TLN2: variants seen among roughly 807,000 people sequenced by gnomAD.
TLN2 encodes talin-2.
Under a neutral mutation model 294.7 loss-of-function variants are expected in TLN2, and 118 were observed. The observed-to-expected ratio is 0.40, with a 90% CI of 0.34 to 0.47. TLN2 has a LOEUF of 0.47. Ranked by LOEUF, TLN2 falls within the 20% of genes least tolerant of loss-of-function variation. The probability of loss-of-function intolerance (pLI) is 0.84; values close to 1 mark genes in which losing one functional copy is unlikely to be tolerated. For missense variants in TLN2, 3,083 were observed against 3,282.2 expected (o/e 0.94, Z 1.48); for synonymous variants, 1,431 against 1,304.5 (o/e 1.10, Z -2.09).
intron 1 of TLN2, among the ~76,000 whole-genome samples, chr15:62,549,490 A>ATCCATCCATCCG (rs2042178406): frequency 6.7e-6 from 1 of 148,738 alleles, no homozygotes; most frequent in East Asian, 1.9e-4. Flanking sequence ...GCATCCATCC[A>ATCCATCCATCCG]TCCATCCATC....
chr15:62,804,539 T>C (rs1349644340), intron 50 of TLN2, among the ~76,000 whole-genome samples: 1 of 152,184 alleles, frequency 6.6e-6, no homozygotes, highest in Non-Finnish European at 1.5e-5. Flanking sequence ...TCAAAGTTGC[T>C]GTGAGCCGGG....
chr15:62,403,297 A>G (rs966170894), intron 1 of TLN2, among the ~76,000 whole-genome samples: 1 of 152,090 alleles, frequency 6.6e-6, no homozygotes, highest in African/African-American at 2.4e-5. Flanking sequence ...CTGTTCTTCC[A>G]TTCCTCTACA....
chr15:62,621,480 A>G (rs2048823415), intron 3 of TLN2, among the ~76,000 whole-genome samples: 1 of 152,202 alleles, frequency 6.6e-6, no homozygotes, highest in African/African-American at 2.4e-5. Flanking sequence ...TCTTGGTGGC[A>G]TTGATTCAGG....
intron 1 of TLN2, among the ~76,000 whole-genome samples, chr15:62,541,199 T>G (rs1483926027): frequency 6.6e-6 from 1 of 152,194 alleles, no homozygotes; most frequent in African/African-American, 2.4e-5. Flanking sequence ...TCTCTCTACT[T>G]TTGTATATGT....
intron 12 of TLN2, among the ~76,000 whole-genome samples, chr15:62,688,791 A>C (rs1377486837): frequency 6.6e-6 from 1 of 152,120 alleles, no homozygotes; most frequent in East Asian, 1.9e-4. Flanking sequence ...TCTGAAGTCT[A>C]CTGTATCTAA....
intron 9 of TLN2, among the ~76,000 whole-genome samples, chr15:62,665,489 T>C (rs1310009008): frequency 6.6e-6 from 1 of 152,180 alleles, no homozygotes; most frequent in Non-Finnish European, 1.5e-5. Context: ...AAAGGTTCCA[T>C]GAGTCTGCGT....
chr15:62,477,826 A>G (rs2037857261), intron 1 of TLN2, among the ~76,000 whole-genome samples: 1 of 145,018 alleles, frequency 6.9e-6, no homozygotes, highest in Non-Finnish European at 1.5e-5. Flanking sequence ...CTGCTGTCAA[A>G]GGAGAGCCTG....
chr15:62,674,548 C>G (rs1285648969), intron 10 of TLN2, among the ~76,000 whole-genome samples: 2 of 148,200 alleles, frequency 1.3e-5, no homozygotes, highest in Non-Finnish European at 3.0e-5. Context: ...AGACGGAGTG[C>G]AATGGGGCGA....
At chr15:62,698,963 T>C in intron 16 of TLN2, 96 bp downstream of exon 16, 2 of 1,197,692 alleles carry the variant, frequency 1.7e-6, no homozygotes, top group Middle Eastern at 1.9e-4. Context: ...AATTTCTATC[T>C]CTAGGTGAAA....
At chr15:62,669,853 C>A (rs2055184560) in intron 9 of TLN2, among the ~76,000 whole-genome samples, 1 of 152,182 alleles carries the variant, frequency 6.6e-6, no homozygotes, top group Non-Finnish European at 1.5e-5. Flanking sequence ...AAAATACATG[C>A]CACACACATG....
intron 3 of TLN2, among the ~76,000 whole-genome samples, chr15:62,624,263 T>G (rs4467026): frequency 0.95 from 144,842 of 152,296 alleles, 68,909 homozygotes; most frequent in Admixed American, 0.97. Flanking sequence ...TACCAAGTTT[T>G]AGAAAATTAG....
intron 1 of TLN2, among the ~76,000 whole-genome samples, chr15:62,522,026 G>C (rs1305409241): frequency 6.6e-6 from 1 of 152,094 alleles, no homozygotes; most frequent in African/African-American, 2.4e-5. Flanking sequence ...GGTATAAAGA[G>C]GCGTGTCCAA....
intron 1 of TLN2, among the ~76,000 whole-genome samples, chr15:62,510,308 T>A (rs1595975946): frequency 6.6e-6 from 1 of 152,060 alleles, no homozygotes; most frequent in African/African-American, 2.4e-5. Flanking sequence ...AACCAGAGGG[T>A]GGGGCCCTGG....
chr15:62,678,839 TAAATA>T (rs2056513876), intron 11 of TLN2, among the ~76,000 whole-genome samples: 1 of 151,960 alleles, frequency 6.6e-6, no homozygotes, highest in African/African-American at 2.4e-5. Flanking sequence ...TCAAAATAAA[TAAATA>T]AATAAATCTG....
chr15:62,720,888 G>A (rs141398143), intron 25 of TLN2, among the ~76,000 whole-genome samples: 114 of 152,160 alleles, frequency 7.5e-4, no homozygotes, highest in African/African-American at 2.7e-3. Context: ...GTCTTTTCTT[G>A]AATTCCTAGA....
chr15:62,818,305 ACTGT>A (rs2067277007), intron 52 of TLN2, among the ~76,000 whole-genome samples: 1 of 152,204 alleles, frequency 6.6e-6, no homozygotes, highest in South Asian at 2.1e-4. Flanking sequence ...TTCTCTCCTG[ACTGT>A]CTGAACATTT....
At chr15:62,495,572 G>A (rs2038972638) in intron 1 of TLN2, among the ~76,000 whole-genome samples, 1 of 152,226 alleles carries the variant, frequency 6.6e-6, no homozygotes, top group South Asian at 2.1e-4. Flanking sequence ...GGTAGAAATT[G>A]GGAGCAAGAG....
At chr15:62,418,493 G>A (rs2034208745) in intron 1 of TLN2, among the ~76,000 whole-genome samples, 2 of 152,154 alleles carry the variant, frequency 1.3e-5, no homozygotes, top group African/African-American at 4.8e-5. Context: ...GTGGGACTGG[G>A]GAGCTGAATT....
At chr15:62,441,119 G>C (rs534182076) in intron 1 of TLN2, among the ~76,000 whole-genome samples, 26 of 152,286 alleles carry the variant, frequency 1.7e-4, no homozygotes, top group African/African-American at 6.3e-4. Context: ...TCAGATGTGG[G>C]TAAGTGTAAC....
Sources: allele counts gnomAD v4.1 joint callset (sites outside exome capture counted in the v4.1 genomes callset), GRCh38; gene constraint gnomAD v4.1.1; transcripts MANE v1.5; gene names NCBI Gene and HGNC (gene_info 2026-07-23, HGNC 2026-07-21).